The following HS1BP3 variants were observed in gnomAD, a reference collection of about 807,000 sequenced individuals.
The protein encoded by HS1BP3 is HCLS1 binding protein 3, also known as HCLS1-binding protein 3.
HS1BP3 carries 32 observed loss-of-function variants against 33.5 expected under a neutral mutation model. The observed-to-expected ratio is 0.95, with a 90% CI of 0.72 to 1.28. The LOEUF is 1.28. Ranked by LOEUF, HS1BP3 falls within the 50% of genes most tolerant of loss-of-function variation. The probability of loss-of-function intolerance (pLI) is 0.00; values close to 1 mark genes in which losing one functional copy is unlikely to be tolerated. For missense variants in HS1BP3, 486 were observed against 502.3 expected (o/e 0.97, Z 0.31); for synonymous variants, 187 against 209.2 (o/e 0.89, Z 0.92).
chr2:20,554,989 C>T, the HS1BP3 span, among the ~76,000 whole-genome samples: 8 of 152,164 alleles, frequency 5.3e-5, no homozygotes, highest in African/African-American at 1.2e-4. Context: ...TTCTGCCATG[C>T]GGGAACTTGA....
intron 4 of HS1BP3, among the ~76,000 whole-genome samples, chr2:20,633,657 G>C (rs1276435079): frequency 6.6e-6 from 1 of 152,132 alleles, no homozygotes; most frequent in Admixed American, 6.5e-5. Context: ...TGAGTAGCTG[G>C]GATTACAGGC....
At chr2:20,605,263 G>A (rs896737) in intron 2 of HS1BP3, among the ~76,000 whole-genome samples, 8,485 of 152,156 alleles carry the variant, frequency 0.056, 262 homozygotes, top group African/African-American at 0.072. Flanking sequence ...TATAGACACA[G>A]GTTGCACCCC....
chr2:20,641,108 G>A lies in HS1BP3; in HGVS notation c.271C>T (p.Pro91Ser), dbSNP rs1478595977. 1.9e-6 allele frequency: 3 copies of A among 1,613,504 alleles called. No individual in the cohort carries two copies. Among genetic ancestry groups the A allele is most frequent in the Non-Finnish European group, 2.5e-6 (3 of 1,180,030 alleles). ...AACAGGACCTTCCTGGGTAGTGGGG[G>A]GAGGCTGGCTGCTGCATAACGACTG... ...LSSRYAAASL[P>S]PLPRKVLFVG... The change falls in exon 3 of 7, where the codon CCC (proline) becomes TCC (serine). Residue 91 changes from proline (P) to serine (S), a missense_variant. By Grantham distance (74) the Pro-to-Ser change is moderately conservative. Coordinates refer to ENST00000304031, the MANE Select transcript of HS1BP3 (RefSeq NM_022460.4).
downstream of HS1BP3, among the ~76,000 whole-genome samples, chr2:20,613,738 G>A (rs1269652286): frequency 6.6e-6 from 1 of 152,206 alleles, no homozygotes; most frequent in Non-Finnish European, 1.5e-5. Context: ...CTCCTGACAC[G>A]TCCCCTCACA....
At chr2:20,609,175 G>A (rs979941881) in intron 2 of HS1BP3, among the ~76,000 whole-genome samples, 12 of 152,190 alleles carry the variant, frequency 7.9e-5, no homozygotes, top group African/African-American at 2.7e-4. Context: ...CGTCCTTGGG[G>A]GCAGAGGCCG....
At chr2:20,561,210 C>T (rs1479525148) in intron 5 of HS1BP3, among the ~76,000 whole-genome samples, 1 of 152,182 alleles carries the variant, frequency 6.6e-6, no homozygotes, top group Non-Finnish European at 1.5e-5. Flanking sequence ...CCAGTCTTCT[C>T]CTGTGGTGCC....
At chr2:20,644,674 C>A (rs1027635565) in intron 2 of HS1BP3, among the ~76,000 whole-genome samples, 4 of 152,216 alleles carry the variant, frequency 2.6e-5, no homozygotes, top group African/African-American at 9.7e-5. Context: ...TTGGGAATGA[C>A]CATATTGGCC....
intron 5 of HS1BP3, among the ~76,000 whole-genome samples, chr2:20,563,164 C>T (rs1307550554): frequency 6.6e-6 from 1 of 152,206 alleles, no homozygotes; most frequent in South Asian, 2.1e-4. Context: ...GGGGGCTACT[C>T]GTCATGCTCA....
intron 5 of HS1BP3, among the ~76,000 whole-genome samples, chr2:20,570,347 G>A (rs910385853): frequency 1.3e-5 from 2 of 152,222 alleles, no homozygotes; most frequent in East Asian, 1.9e-4. Flanking sequence ...AATGATCGCC[G>A]TCAGGTTGCT....
chr2:20,619,592 A>G (rs143969880), intron 6 of HS1BP3, among the ~76,000 whole-genome samples: 18 of 152,318 alleles, frequency 1.2e-4, no homozygotes, highest in Non-Finnish European at 2.1e-4. Flanking sequence ...AATAACCACC[A>G]GCTACTATGT....
At position 20,645,382 on chromosome 2, in the gene HS1BP3, G is replaced by C; in HGVS notation, c.156C>G (p.Phe52Leu). The change falls in exon 2 of 7, where the codon TTC (phenylalanine) becomes TTG (leucine). Residue 52 changes from phenylalanine (F) to leucine (L), a missense_variant. Physicochemically the swap from Phe to Leu is conservative, Grantham distance 22. Transcript: ENST00000304031. ...CCTCGGGCCTGTGCTTGGCCGACTT[G>C]AACGCAGCCAGACGGGTCACCACCA... ...QILVVTRLAA[F>L]KSAKHRPEDV... 6.2e-7 allele frequency: 1 copy of C among 1,614,050 alleles called. No homozygotes were observed. The highest frequency in any genetic ancestry group is 8.5e-7 in the Non-Finnish European group (1 of 1,179,996).
intron 6 of HS1BP3, among the ~76,000 whole-genome samples, chr2:20,620,625 C>T (rs1012112802): frequency 6.6e-6 from 1 of 152,240 alleles, no homozygotes; most frequent in African/African-American, 2.4e-5. Context: ...CACCCTGCAA[C>T]TCCTCCATCA....
At chr2:20,645,547 C>T (rs1264088292) in intron 1 of HS1BP3, 42 bp from the exon 2 acceptor site, 5 of 1,567,878 alleles carry the variant, frequency 3.2e-6, no homozygotes, top group East Asian at 2.3e-5. Flanking sequence ...AGGGTCAAGG[C>T]AGTAGGCTTC....
At chr2:20,557,645 C>T (rs62124181), downstream of HS1BP3, among the ~76,000 whole-genome samples, 2,217 of 152,230 alleles carry the variant, frequency 0.015, 41 homozygotes, top group Middle Eastern at 0.024. Flanking sequence ...CTTTGGGTCC[C>T]TCTGAGAAAG....
At chr2:20,596,524 G>T (rs1490017053) in intron 3 of HS1BP3, among the ~76,000 whole-genome samples, 1 of 152,188 alleles carries the variant, frequency 6.6e-6, no homozygotes, top group African/African-American at 2.4e-5. Context: ...CCAGACAGCA[G>T]GCCCTCACCA....
chr2:20,609,089 C>T (rs1310744370), intron 2 of HS1BP3, among the ~76,000 whole-genome samples: 1 of 152,196 alleles, frequency 6.6e-6, no homozygotes, highest in Non-Finnish European at 1.5e-5. Flanking sequence ...AGAACTGATG[C>T]CCATCCAAGA....
At chr2:20,633,404 T>C (rs953025518) in intron 4 of HS1BP3, among the ~76,000 whole-genome samples, 1 of 152,230 alleles carries the variant, frequency 6.6e-6, no homozygotes, top group African/African-American at 2.4e-5. Flanking sequence ...ATATTTCTCT[T>C]GAGCCAAAGG....
intron 2 of HS1BP3, among the ~76,000 whole-genome samples, chr2:20,643,417 A>G (rs1193229605): frequency 2.0e-5 from 3 of 152,158 alleles, no homozygotes; most frequent in Non-Finnish European, 4.4e-5. Flanking sequence ...GTCTCTGAAA[A>G]TGTGGGTGCA....
chr2:20,632,800 C>T (rs918494128), intron 4 of HS1BP3, among the ~76,000 whole-genome samples: 4 of 152,186 alleles, frequency 2.6e-5, no homozygotes, highest in African/African-American at 9.7e-5. Flanking sequence ...TCCAGAATCG[C>T]CTGCTCTAGG....
Sources: gnomAD v4.1 joint callset for allele counts (sites outside exome capture counted in the v4.1 genomes callset) on GRCh38, gnomAD v4.1.1 for gene constraint, MANE v1.5 for transcripts, NCBI Gene and HGNC (gene_info 2026-07-23, HGNC 2026-07-21) for gene names.